The following GRIK3 variants were observed in gnomAD, a reference collection of about 807,000 sequenced individuals.
GRIK3 encodes the protein glutamate receptor ionotropic, kainate 3.
Under a neutral mutation model 102.5 loss-of-function variants are expected in GRIK3, and 29 were observed. That is an observed-to-expected ratio of 0.28 (90% CI 0.21 to 0.39). The LOEUF is 0.39. Ranked by LOEUF, GRIK3 falls within the 10% of genes least tolerant of loss-of-function variation. The pLI is 1.00. For missense variants in GRIK3, 908 were observed against 1,252.4 expected (o/e 0.73, Z 4.15); for synonymous variants, 511 against 504.9 (o/e 1.01, Z -0.16).
Position 36,947,529 on chromosome 1 carries a change from C to T in GRIK3, c.116-56433G>A, listed in dbSNP as rs1265389363. Among the ~76,000 whole-genome samples, 3 of 152,172 alleles carry T rather than the reference C, an allele frequency of 2.0e-5. No homozygotes were observed. In the East Asian group the frequency reaches 5.8e-4, roughly 29 times the overall value. On this transcript the variant is annotated intron_variant, in intron 1 of 15. Coordinates refer to ENST00000373091, the MANE Select transcript of GRIK3 (RefSeq NM_000831.4). The stretch of plus-strand genomic sequence containing the variant: ...GCTCTTGGCAATTGGCCCCCACCTT[C>T]CTGCCCTCCCTTCCCTCTGCCTGTC...
At chr1:36,870,734 T>C (rs994326700) in intron 4 of GRIK3, among the ~76,000 whole-genome samples, 48 of 152,254 alleles carry the variant, frequency 3.2e-4, no homozygotes, top group Admixed American at 2.9e-3. Context: ...CCTGCCTGGA[T>C]GACCTTGGGT....
chr1:36,985,393 CTT>C (rs1189897459), intron 1 of GRIK3, among the ~76,000 whole-genome samples: 4 of 152,210 alleles, frequency 2.6e-5, no homozygotes, highest in Non-Finnish European at 5.9e-5. Context: ...CCCAAGCCCT[CTT>C]GTGTCAAATT....
rs540794757 is a variant in GRIK3 at position 37,021,307 on chromosome 1, G to A, written c.115+12687C>T. Among the ~76,000 whole-genome samples the A allele has an allele frequency of 3.9e-5, 6 of 152,176 alleles. No individual in the cohort carries two copies. The East Asian group carries it at 9.6e-4, about 24-fold the overall frequency. On this transcript the variant is annotated intron_variant, in intron 1 of 15. Coordinates refer to ENST00000373091, the MANE Select transcript of GRIK3 (RefSeq NM_000831.4). ...CAACCCGTGAAAGAAAAAAAAATGG[G>A]GACAGGTAGTGCTCCTGTAGCCCCA...
chr1:36,841,520 A>G (rs954068801), intron 10 of GRIK3, among the ~76,000 whole-genome samples: 1 of 152,170 alleles, frequency 6.6e-6, no homozygotes, highest in African/African-American at 2.4e-5. Flanking sequence ...TGTACGGAGG[A>G]GAATGGCGTT....
intron 1 of GRIK3, among the ~76,000 whole-genome samples, chr1:36,957,679 A>AGT (rs1290340503): frequency 8.4e-6 from 1 of 119,022 alleles, no homozygotes; most frequent in African/African-American, 3.3e-5. Flanking sequence ...GTGCCCCGTG[A>AGT]CTCTGTGCCC....
At chr1:36,929,877 C>T (rs957740224) in intron 1 of GRIK3, among the ~76,000 whole-genome samples, 1 of 152,258 alleles carries the variant, frequency 6.6e-6, no homozygotes, top group Non-Finnish European at 1.5e-5. Flanking sequence ...AAGATGTCAG[C>T]CTAGGCTGCA....
At chr1:37,001,599 T>C (rs1254106113) in intron 1 of GRIK3, among the ~76,000 whole-genome samples, 2 of 152,070 alleles carry the variant, frequency 1.3e-5, no homozygotes, top group Non-Finnish European at 2.9e-5. Flanking sequence ...TAGACTGAGT[T>C]ACTGTCTTAA....
At chr1:37,011,623 C>T (rs1045924912) in intron 1 of GRIK3, among the ~76,000 whole-genome samples, 2 of 152,310 alleles carry the variant, frequency 1.3e-5, no homozygotes, top group South Asian at 2.1e-4. Flanking sequence ...GCAGTGGAGG[C>T]TGGTGTGAAG....
At chr1:36,916,538 C>T (rs528255268) in intron 1 of GRIK3, among the ~76,000 whole-genome samples, 30 of 152,198 alleles carry the variant, frequency 2.0e-4, no homozygotes, top group South Asian at 1.0e-3. Flanking sequence ...TTTTGTGGGC[C>T]GGGCTCAGGG....
intron 1 of GRIK3, among the ~76,000 whole-genome samples, chr1:36,919,955 G>T (rs1641448538): frequency 6.6e-6 from 1 of 152,244 alleles, no homozygotes; most frequent in Non-Finnish European, 1.5e-5. Context: ...CATGCAAGCT[G>T]CAGCTGCGGA....
chr1:36,908,644 C>T (rs1427136050), intron 1 of GRIK3, among the ~76,000 whole-genome samples: 2 of 152,196 alleles, frequency 1.3e-5, no homozygotes, highest in African/African-American at 2.4e-5. Flanking sequence ...TTGATTAACG[C>T]ATAATCTTAA....
At chr1:36,927,541 T>G (rs185224906) in intron 1 of GRIK3, among the ~76,000 whole-genome samples, 15 of 152,324 alleles carry the variant, frequency 9.8e-5, no homozygotes, top group Middle Eastern at 6.8e-3. Flanking sequence ...TTCAGGTGTT[T>G]GTGACCTCCG....
chr1:36,828,077 A>G (rs959597359), intron 10 of GRIK3, among the ~76,000 whole-genome samples: 1 of 151,272 alleles, frequency 6.6e-6, no homozygotes, highest in African/African-American at 2.5e-5. Context: ...AAAGCAGAAA[A>G]AAAAAAAAAA....
intron 9 of GRIK3, among the ~76,000 whole-genome samples, chr1:36,843,518 ATCC>A (rs1640485705): frequency 6.6e-6 from 1 of 152,168 alleles, no homozygotes; most frequent in Non-Finnish European, 1.5e-5. Flanking sequence ...CAGTGATGGG[ATCC>A]AGTTCCAATC....
intron 9 of GRIK3, among the ~76,000 whole-genome samples, chr1:36,848,508 C>T (rs1329142339): frequency 1.3e-5 from 2 of 152,006 alleles, no homozygotes; most frequent in Non-Finnish European, 2.9e-5. Flanking sequence ...TGCTTTTTGA[C>T]ATTTGGGTGT....
chr1:36,829,442 C>T (rs552748072), intron 10 of GRIK3, among the ~76,000 whole-genome samples: 12 of 151,752 alleles, frequency 7.9e-5, no homozygotes, highest in South Asian at 2.1e-4. Flanking sequence ...AACTGAGGCT[C>T]GGAGAGAAGC....
intron 1 of GRIK3, among the ~76,000 whole-genome samples, chr1:36,924,590 A>G (rs989597019): frequency 1.3e-5 from 2 of 152,144 alleles, no homozygotes; most frequent in Non-Finnish European, 2.9e-5. Flanking sequence ...GCACAGCCAG[A>G]GCCTCCTAAT....
At position 36,930,417 on chromosome 1, in the gene GRIK3, G is replaced by A. The variant is rs76908745; in HGVS notation, c.116-39321C>T. On this transcript the variant is annotated intron_variant, in intron 1 of 15. Coordinates refer to ENST00000373091, the MANE Select transcript of GRIK3 (RefSeq NM_000831.4). ...TTGACCTCTTCAATCCCTTGACCTT[G>A]TGGAATCATAAATCCTAAGTGTCAG... Among the ~76,000 whole-genome samples, 800 of 152,268 alleles carry A rather than the reference G, an allele frequency of 5.3e-3. 6 individuals are homozygous for A. Among genetic ancestry groups the A allele is most frequent in the African/African-American group, 0.018 (766 of 41,524 alleles).
chr1:36,909,190 T>C (rs554218868), intron 1 of GRIK3, among the ~76,000 whole-genome samples: 25 of 152,230 alleles, frequency 1.6e-4, no homozygotes, highest in African/African-American at 5.5e-4. Context: ...AATTGTTAAA[T>C]TTTCAGGAAT....
Sources: allele counts gnomAD v4.1 joint callset (sites outside exome capture counted in the v4.1 genomes callset), GRCh38; gene constraint gnomAD v4.1.1; transcripts MANE v1.5; gene names NCBI Gene and HGNC (gene_info 2026-07-23, HGNC 2026-07-21).